Variants in CDCA2 observed in about 807,000 individuals in gnomAD.
CDCA2 encodes the protein cell division cycle associated 2.
CDCA2 carries 44 observed loss-of-function variants against 67.0 expected under a neutral mutation model. The ratio of observed to expected loss-of-function variants is 0.66; its 90% CI spans 0.52 to 0.84. The LOEUF is 0.84. Ranked by LOEUF, CDCA2 falls within the 40% of genes least tolerant of loss-of-function variation. The probability of loss-of-function intolerance (pLI) is 0.00; values close to 1 mark genes in which losing one functional copy is unlikely to be tolerated. For synonymous variants in CDCA2, 447 were observed against 418.7 expected (o/e 1.07, Z -0.82); for missense variants, 1,253 against 1,203.2 (o/e 1.04, Z -0.61).
chr8:25,462,242 C>T (rs769968825), intron 4 of CDCA2, 34 bp downstream of exon 4: 23 of 1,604,286 alleles, frequency 1.4e-5, no homozygotes, highest in South Asian at 6.6e-5. Flanking sequence ...TCGTGAATTC[C>T]GTTAATGAAG....
chr8:25,493,536 A>T (rs746343802), intron 13 of CDCA2, among the ~76,000 whole-genome samples: 7 of 152,244 alleles, frequency 4.6e-5, no homozygotes, highest in Non-Finnish European at 1.0e-4. Flanking sequence ...CTCATATCAG[A>T]CACCAAGGAT....
chr8:25,488,404 A>C, intron 12 of CDCA2, 148 bp from the exon 13 acceptor site: 1 of 621,012 alleles, frequency 1.6e-6, no homozygotes, highest in Non-Finnish European at 2.4e-6. Context: ...AATTTTCATC[A>C]AAGTGCTTTT....
At chr8:25,464,329 T>C (rs35698191) in intron 4 of CDCA2, among the ~76,000 whole-genome samples, 1 of 152,044 alleles carries the variant, frequency 6.6e-6, no homozygotes, top group Non-Finnish European at 1.5e-5. Context: ...AGTTGGAGGA[T>C]CGTTTGAGCC....
intron 12 of CDCA2, 70 bp downstream of exon 12, chr8:25,487,404 C>A: frequency 2.1e-6 from 2 of 967,184 alleles, no homozygotes; most frequent in Non-Finnish European, 3.2e-6. Flanking sequence ...TTTTCATGGC[C>A]AAATGATAAT....
At position 25,503,560 on chromosome 8, in the gene CDCA2, C is replaced by G. The variant is rs1804560138; in HGVS notation, c.1843+16C>G. 6.3e-7 allele frequency: 1 copy of G among 1,577,944 alleles called. No individual in the cohort carries two copies. Among genetic ancestry groups the G allele is most frequent in the Admixed American group, 2.0e-5 (1 of 49,264 alleles). ...CTGGGTTCAGGTATCCTGACATTTTCCTGGTAGTTATATTTTATCTTTTCT... is the reference window on the plus strand; with the variant it reads ...CTGGGTTCAGGTATCCTGACATTTTGCTGGTAGTTATATTTTATCTTTTCT... On this transcript the variant is annotated intron_variant, in intron 14 of 14. Transcript: ENST00000330560.
At chr8:25,476,266 A>G (rs1422257085) in intron 7 of CDCA2, among the ~76,000 whole-genome samples, 2 of 152,168 alleles carry the variant, frequency 1.3e-5, no homozygotes, top group Non-Finnish European at 2.9e-5. Flanking sequence ...TTTGTTTTAT[A>G]TCAAAGTACA....
chr8:25,497,530 G>T (rs1486674763), intron 13 of CDCA2, among the ~76,000 whole-genome samples: 1 of 145,192 alleles, frequency 6.9e-6, no homozygotes. Flanking sequence ...ACTCACAGAA[G>T]CTGAGAATAG....
rs748810445 is a variant in CDCA2 at position 25,507,469 on chromosome 8, A to G, written c.2803A>G (p.Met935Val). 4 of 1,613,974 alleles carry G rather than the reference A, an allele frequency of 2.5e-6. No individual in the cohort carries two copies. Among genetic ancestry groups the G allele is most frequent in the Admixed American group, 3.3e-5 (2 of 59,964 alleles). Reference protein sequence around the residue: ...CTFDSSGFESMSPIKETVSSR... With the variant: ...CTFDSSGFESVSPIKETVSSR... ...ATTTGACAGCAGTGGATTTGAAAGT[A>G]TGTCTCCCATAAAAGAAACTGTGTC... Residue 935 changes from methionine to valine, a missense_variant, in exon 15 of 15, where the codon ATG (methionine) becomes GTG (valine). Transcript: ENST00000330560.
At chr8:25,479,170 A>G (rs1450819448) in intron 7 of CDCA2, among the ~76,000 whole-genome samples, 1 of 152,178 alleles carries the variant, frequency 6.6e-6, no homozygotes, top group East Asian at 1.9e-4. Flanking sequence ...ATGTGAGCAC[A>G]GTACAGCCAA....
intron 13 of CDCA2, among the ~76,000 whole-genome samples, chr8:25,490,080 G>T (rs372702275): frequency 2.2e-4 from 34 of 152,202 alleles, no homozygotes; most frequent in African/African-American, 7.7e-4. Flanking sequence ...GTGTTTTCCT[G>T]CTTTAGTTCC....
chr8:25,488,262 G>A (rs980775048), intron 12 of CDCA2, among the ~76,000 whole-genome samples: 1 of 152,232 alleles, frequency 6.6e-6, no homozygotes, highest in East Asian at 1.9e-4. Flanking sequence ...TTCTTAATGA[G>A]TAGTTGATGA....
chr8:25,485,699 G>T, intron 10 of CDCA2, 60 bp from the exon 11 acceptor site: 51 of 878,368 alleles, frequency 5.8e-5, no homozygotes, highest in South Asian at 1.6e-4. Context: ...TCTTCTTTTG[G>T]GCACATTATG....
At chr8:25,501,035 A>G (rs187425209) in intron 13 of CDCA2, among the ~76,000 whole-genome samples, 10 of 152,274 alleles carry the variant, frequency 6.6e-5, no homozygotes, top group Admixed American at 6.5e-4. Context: ...TTTCAGGTTC[A>G]TTGACCAAGC....
chr8:25,499,941 G>T (rs1804405999), intron 13 of CDCA2, among the ~76,000 whole-genome samples: 1 of 152,176 alleles, frequency 6.6e-6, no homozygotes, highest in African/African-American at 2.4e-5. Flanking sequence ...TGTGGCCTTT[G>T]CTGATGAAAT....
In CDCA2 at chr8:25,462,083, AGAC is replaced by A; in HGVS notation, c.267_269del (p.Arg90del). 1.9e-6 allele frequency: 3 copies of A among 1,614,166 alleles called. No homozygotes were observed. The highest frequency in any genetic ancestry group is 8.5e-7 in the Non-Finnish European group (1 of 1,179,986). ...GTCATCATCCTACCTTAAAAAATGT[AGAC>A]GACGTTCTGCAGTCGGTGCTCGGGG... On this transcript the variant is annotated inframe_deletion, in exon 4 of 15. Coordinates refer to ENST00000330560, the MANE Select transcript of CDCA2 (RefSeq NM_152562.4).
At chr8:25,471,288 C>A (rs886723022) in intron 7 of CDCA2, among the ~76,000 whole-genome samples, 1 of 152,114 alleles carries the variant, frequency 6.6e-6, no homozygotes, top group Non-Finnish European at 1.5e-5. Context: ...TGCATGGTCC[C>A]CCTGCACAGG....
At chr8:25,500,723 A>G (rs1804439782) in intron 13 of CDCA2, among the ~76,000 whole-genome samples, 1 of 152,232 alleles carries the variant, frequency 6.6e-6, no homozygotes, top group African/African-American at 2.4e-5. Context: ...CAAGTAATGG[A>G]AAAGAATTTG....
intron 12 of CDCA2, 110 bp from the exon 13 acceptor site, chr8:25,488,442 G>A: frequency 2.2e-6 from 2 of 923,666 alleles, no homozygotes; most frequent in Non-Finnish European, 3.1e-6. Context: ...AAGAATAAAT[G>A]GGATCTAAAG....
chr8:25,490,036 A>G, intron 13 of CDCA2, among the ~76,000 whole-genome samples: 1 of 152,204 alleles, frequency 6.6e-6, no homozygotes, highest in Non-Finnish European at 1.5e-5. Context: ...AGTAGCACAG[A>G]TATCCTTAAG....
Sources: gnomAD v4.1 joint callset for allele counts (sites outside exome capture counted in the v4.1 genomes callset) on GRCh38, gnomAD v4.1.1 for gene constraint, MANE v1.5 for transcripts, NCBI Gene and HGNC (gene_info 2026-07-23, HGNC 2026-07-21) for gene names.